Variants in CNTNAP2 observed in about 807,000 individuals in gnomAD.
CNTNAP2 encodes the protein contactin associated protein 2.
CNTNAP2 carries 98 observed loss-of-function variants against 155.2 expected under a neutral mutation model. The observed-to-expected ratio is 0.63, with a 90% CI of 0.54 to 0.75. The LOEUF is 0.75. Among genes scored for constraint, CNTNAP2 ranks in the 30% least tolerant of loss-of-function variants. The pLI, the probability that CNTNAP2 is intolerant of heterozygous loss-of-function variation, is 0.00. For synonymous variants in CNTNAP2, 651 were observed against 631.2 expected, an observed-to-expected ratio of 1.03 and a Z score of -0.47; for missense variants, 1,727 against 1,688.1, an observed-to-expected ratio of 1.02 and a Z score of -0.40.
intron 16 of CNTNAP2, 56 bp downstream of exon 16, chr7:148,118,344 G>A: frequency 6.3e-7 from 1 of 1,590,130 alleles, no homozygotes; most frequent in Non-Finnish European, 8.6e-7. Flanking sequence ...CCTCAGGGTG[G>A]TCCGGGTCCT....
intron 1 of CNTNAP2, among the ~76,000 whole-genome samples, chr7:146,635,814 A>C (rs1799588436): frequency 6.6e-6 from 1 of 151,626 alleles, no homozygotes; most frequent in Admixed American, 6.6e-5. Context: ...TCTAAAAAAA[A>C]AAACAGTTGA....
intron 1 of CNTNAP2, among the ~76,000 whole-genome samples, chr7:146,602,947 G>A (rs1489852202): frequency 2.1e-5 from 3 of 144,040 alleles, no homozygotes; most frequent in Non-Finnish European, 4.6e-5. Context: ...ATAACAGCAT[G>A]ATTTTGCCAT....
intron 1 of CNTNAP2, among the ~76,000 whole-genome samples, chr7:146,540,294 T>A (rs913984571): frequency 6.6e-5 from 10 of 152,068 alleles, no homozygotes; most frequent in Non-Finnish European, 1.5e-4. Flanking sequence ...AGTTTACCTA[T>A]CTTGTGAAGT....
chr7:146,953,546 G>A (rs900466548), intron 3 of CNTNAP2, among the ~76,000 whole-genome samples: 2 of 151,818 alleles, frequency 1.3e-5, no homozygotes, highest in Non-Finnish European at 2.9e-5. Context: ...GGTTTGTAAC[G>A]AATTCCAATT....
chr7:147,273,794 A>C (rs1372253967), intron 8 of CNTNAP2, among the ~76,000 whole-genome samples: 3 of 146,414 alleles, frequency 2.0e-5, no homozygotes, highest in Non-Finnish European at 4.5e-5. Flanking sequence ...TATTTTATAT[A>C]TATTTTTATA....
At chr7:146,153,628 G>C (rs1462818399) in intron 1 of CNTNAP2, among the ~76,000 whole-genome samples, 1 of 152,088 alleles carries the variant, frequency 6.6e-6, no homozygotes, top group South Asian at 2.1e-4. Context: ...CATATGGAGG[G>C]CCTAATGAAG....
chr7:147,832,493 ATATTT>A (rs928138529), intron 13 of CNTNAP2, among the ~76,000 whole-genome samples: 3 of 146,348 alleles, frequency 2.0e-5, no homozygotes, highest in African/African-American at 4.9e-5. Context: ...AACTTTGCTT[ATATTT>A]TATTTTAAGT....
At chr7:146,913,898 C>T (rs1323037555) in intron 3 of CNTNAP2, among the ~76,000 whole-genome samples, 1 of 151,952 alleles carries the variant, frequency 6.6e-6, no homozygotes. Flanking sequence ...TTTTATTCCT[C>T]ACCACCCTCC....
In CNTNAP2 at chr7:146,146,712, G is replaced by A. The variant is rs907475677; in HGVS notation, c.97+29739G>A. ...TAATAAAAATGGTTCATCAAATTTC[G>A]GGGGCAAATGCCTTAAACATTTATT... On this transcript the variant is annotated intron_variant, in intron 1 of 23. Coordinates refer to ENST00000361727, the MANE Select transcript of CNTNAP2 (RefSeq NM_014141.6). Among the ~76,000 whole-genome samples, 4 of 151,916 alleles carry A rather than the reference G, an allele frequency of 2.6e-5. No individual in the cohort carries two copies. The East Asian group carries it at 5.8e-4, about 22-fold the overall frequency.
intron 15 of CNTNAP2, among the ~76,000 whole-genome samples, chr7:148,109,106 C>G (rs1176913938): frequency 6.6e-6 from 1 of 152,192 alleles, no homozygotes; most frequent in East Asian, 1.9e-4. Flanking sequence ...CTTGGCCAAG[C>G]CCTTGCACAG....
chr7:146,796,094 A>G (rs142265490), intron 2 of CNTNAP2, among the ~76,000 whole-genome samples: 10 of 152,316 alleles, frequency 6.6e-5, no homozygotes. Flanking sequence ...GGTTAACAGT[A>G]TATACTTTAG....
At chr7:147,369,415 T>C (rs1796303737) in intron 9 of CNTNAP2, among the ~76,000 whole-genome samples, 1 of 152,220 alleles carries the variant, frequency 6.6e-6, no homozygotes, top group South Asian at 2.1e-4. Context: ...CTAAGGTTTG[T>C]TCATGAGACT....
At chr7:146,502,693 C>A (rs541032483) in intron 1 of CNTNAP2, among the ~76,000 whole-genome samples, 2 of 152,188 alleles carry the variant, frequency 1.3e-5, no homozygotes, top group South Asian at 2.1e-4. Context: ...CTTACTGCAA[C>A]CTCTCCCTCC....
At chr7:146,971,154 A>T (rs1283360201) in intron 3 of CNTNAP2, among the ~76,000 whole-genome samples, 1 of 152,098 alleles carries the variant, frequency 6.6e-6, no homozygotes, top group Admixed American at 6.6e-5. Flanking sequence ...ACATGTATAC[A>T]TATGTAACTA....
At chr7:147,443,387 G>C (rs1402324961) in intron 10 of CNTNAP2, among the ~76,000 whole-genome samples, 1 of 152,162 alleles carries the variant, frequency 6.6e-6, no homozygotes, top group African/African-American at 2.4e-5. Context: ...TGCTGCCACT[G>C]CCTGCAGGTG....
chr7:146,830,387 G>T (rs980313538), intron 2 of CNTNAP2, among the ~76,000 whole-genome samples: 2 of 151,960 alleles, frequency 1.3e-5, no homozygotes, highest in Admixed American at 1.3e-4. Context: ...TTATAGATCT[G>T]GGTGGCTGTT....
chr7:147,404,731 A>G (rs1796976186), intron 10 of CNTNAP2, among the ~76,000 whole-genome samples: 1 of 152,124 alleles, frequency 6.6e-6, no homozygotes, highest in East Asian at 1.9e-4. Flanking sequence ...CTTCCTGTTT[A>G]TACATAAACA....
chr7:147,586,481 T>G (rs1377090695), intron 12 of CNTNAP2, among the ~76,000 whole-genome samples: 3 of 130,518 alleles, frequency 2.3e-5, no homozygotes, highest in Non-Finnish European at 4.7e-5. Flanking sequence ...TAGAAGTTTA[T>G]TTTTAGTTTA....
intron 1 of CNTNAP2, among the ~76,000 whole-genome samples, chr7:146,278,610 G>C (rs1800201269): frequency 6.6e-6 from 1 of 152,024 alleles, no homozygotes; most frequent in South Asian, 2.1e-4. Context: ...AGTATAAAAA[G>C]GTAACTAAAA....
Sources: allele counts gnomAD v4.1 joint callset (sites outside exome capture counted in the v4.1 genomes callset), GRCh38; gene constraint gnomAD v4.1.1; transcripts MANE v1.5; gene names NCBI Gene and HGNC (gene_info 2026-07-23, HGNC 2026-07-21).